Variants in VEGFB observed in about 807,000 individuals in gnomAD.
The protein encoded by VEGFB is VEGF-related factor.
In VEGFB, 24 loss-of-function variants were observed where a neutral mutation model predicts 22.5. That is an observed-to-expected ratio of 1.07 (90% CI 0.77 to 1.50). VEGFB has a LOEUF of 1.50. Ranked by LOEUF, VEGFB falls within the 40% of genes most tolerant of loss-of-function variation. The probability of loss-of-function intolerance (pLI) is 0.00; values close to 1 mark genes in which losing one functional copy is unlikely to be tolerated. For synonymous variants in VEGFB, 141 were observed against 117.4 expected, an observed-to-expected ratio of 1.20 and a Z score of -1.30; for missense variants, 327 against 287.8, an observed-to-expected ratio of 1.14 and a Z score of -0.99.
In VEGFB at chr11:64,237,305, C is replaced by T. The variant is rs964582570; in HGVS notation, c.410+83C>T. On this transcript the variant is annotated intron_variant, in intron 5 of 6. Coordinates refer to ENST00000309422, the MANE Select transcript of VEGFB (RefSeq NM_003377.5). Reference sequence around the variant, plus strand: ...GCTGTTGCTCCTCTTTCTCCTCCCACCCGTCCCCCACTTTCCCTTTTCCTC... The same window carrying T: ...GCTGTTGCTCCTCTTTCTCCTCCCATCCGTCCCCCACTTTCCCTTTTCCTC... 5 of 1,518,902 alleles carry T rather than the reference C, an allele frequency of 3.3e-6. No homozygotes were observed. In the African/African-American group the frequency reaches 4.1e-5, roughly 12 times the overall value. The allele number at this position is 1,518,902 out of a possible 1,614,324, so 94.1% of individuals were successfully genotyped here. A position where few individuals can be genotyped will look rare whatever the true frequency, so the allele number is the denominator to read the frequency against.
chr11:64,236,453 C>G (rs374871435), intron 4 of VEGFB, 126 bp downstream of exon 4: 4 of 864,144 alleles, frequency 4.6e-6, no homozygotes, highest in South Asian at 1.6e-5. Context: ...TGGTAGCTCA[C>G]GCCTGTAATC....
chr11:64,236,649 G>A lies in VEGFB; in HGVS notation c.374+322G>A, dbSNP rs564535882. Among the ~76,000 whole-genome samples the A allele has an allele frequency of 1.5e-4, 22 of 142,590 alleles. No individual in the cohort carries two copies. The South Asian group carries it at 2.0e-3, about 13-fold the overall frequency. The allele number at this position is 142,590 out of a possible 152,430, so 93.5% of individuals were successfully genotyped here. A position where few individuals can be genotyped will look rare whatever the true frequency, so the allele number is the denominator to read the frequency against. ...GGAGAATGGCATGAACCTGGGAGGC[G>A]TAGCTTGCAGTGAGCCAAGATCGTG... On this transcript the variant is annotated intron_variant, in intron 4 of 6. Transcript: ENST00000309422.
At chr11:64,237,340 A>C (rs977792216) in intron 5 of VEGFB, 80 bp from the exon 6 acceptor site, 2 of 1,519,816 alleles carry the variant, frequency 1.3e-6, no homozygotes, top group East Asian at 4.6e-5. Flanking sequence ...CTGCTCCCCA[A>C]GCCTGTGTTC....
In VEGFB at chr11:64,237,305, C is replaced by G. The variant is rs964582570; in HGVS notation, c.410+83C>G. 5 of 1,519,020 alleles carry G rather than the reference C, an allele frequency of 3.3e-6. No homozygotes were observed. In the East Asian group the frequency reaches 1.1e-4, roughly 35 times the overall value. The allele number at this position is 1,519,020 out of a possible 1,614,324, so 94.1% of individuals were successfully genotyped here. ...GCTGTTGCTCCTCTTTCTCCTCCCA[C>G]CCGTCCCCCACTTTCCCTTTTCCTC... is the stretch of plus-strand genomic sequence containing the variant. On this transcript the variant is annotated intron_variant, in intron 5 of 6. Coordinates refer to ENST00000309422, the MANE Select transcript of VEGFB (RefSeq NM_003377.5).
At chr11:64,235,363 G>A in intron 1 of VEGFB, 95 bp from the exon 2 acceptor site, 1 of 1,168,258 alleles carries the variant, frequency 8.6e-7, no homozygotes, top group Non-Finnish European at 1.3e-6. Context: ...GAGAGGTGGT[G>A]AAGCCTACTG....
chr11:64,238,894 AT>A lies in VEGFB; in HGVS notation c.*562del, dbSNP rs2030275579. ...CTTGTCTTGCTCCCTCATTGTGCAG[AT>A]GGAGGAAATGAGGACTAAGGCCCCA... On this transcript the variant is annotated 3_prime_UTR_variant, in exon 7 of 7. Coordinates refer to ENST00000309422, the MANE Select transcript of VEGFB (RefSeq NM_003377.5). 5.9e-6 allele frequency: 1 copy of A among 169,158 alleles called. No homozygotes were observed. The highest frequency in any genetic ancestry group is 1.3e-4 in the South Asian group (1 of 7,840). 10.5% of individuals were successfully genotyped at this position (169,158 alleles called of 1,614,324 possible).
chr11:64,237,669 G>A lies in VEGFB; in HGVS notation c.*22+14G>A. 6.6e-7 allele frequency: 1 copy of A among 1,507,674 alleles called. No homozygotes were observed. Among genetic ancestry groups the A allele is most frequent in the South Asian group, 1.2e-5 (1 of 83,592 alleles). The allele number at this position is 1,507,674 out of a possible 1,614,324, so 93.4% of individuals were successfully genotyped here. A position where few individuals can be genotyped will look rare whatever the true frequency, so the allele number is the denominator to read the frequency against. ...AGACACCTGCAGGTGAGGCGTCTGTGGGGTGGTGTTTGTTTGGGAAGGCAC... is the reference window on the plus strand; with the variant it reads ...AGACACCTGCAGGTGAGGCGTCTGTAGGGTGGTGTTTGTTTGGGAAGGCAC... On this transcript the variant is annotated intron_variant, in intron 6 of 6. Transcript: ENST00000309422.
At chr11:64,236,932 A>T (rs1387812921) in intron 4 of VEGFB, among the ~76,000 whole-genome samples, 1 of 147,064 alleles carries the variant, frequency 6.8e-6, no homozygotes, top group East Asian at 2.0e-4. Context: ...AAAATACAAA[A>T]ATTAGCCGCG....
chr11:64,237,388 C>CCCAGAGATGTCGCTT lies in VEGFB; in HGVS notation c.411-29_411-28insGAGATGTCGCTTCCA, dbSNP rs1466887097. On this transcript the variant is annotated intron_variant, in intron 5 of 6. Coordinates refer to ENST00000309422, the MANE Select transcript of VEGFB (RefSeq NM_003377.5). ...CCAGCTCTAGGGAAGACTCTTCCTT[C>CCCAGAGATGTCGCTT]CCACCCCAGACATGTCGCTTCTCCT... 3 of 1,558,574 alleles carry CCCAGAGATGTCGCTT rather than the reference C, an allele frequency of 1.9e-6. No individual in the cohort carries two copies. The African/African-American group carries it at 4.1e-5, about 21-fold the overall frequency.
Position 64,234,898 on chromosome 11 carries a change from G to C in VEGFB, c.60+5G>C. ...CTGCAGCTGGCCCCCGCCCAGGTAC[G>C]TGCGGCCCGACAGCGCGCCCGCCCG... On this transcript the variant is annotated splice_donor_5th_base_variant and intron_variant, in intron 1 of 6. Coordinates refer to ENST00000309422, the MANE Select transcript of VEGFB (RefSeq NM_003377.5). The surrounding 1 kb of genome is among the most constrained non-coding windows in gnomAD (Gnocchi z 5.3). 3 of 1,289,218 alleles carry C rather than the reference G, an allele frequency of 2.3e-6. No homozygotes were observed. The highest frequency in any genetic ancestry group is 2.9e-6 in the Non-Finnish European group (3 of 1,017,390). The allele number at this position is 1,289,218 out of a possible 1,614,324, so 79.9% of individuals were successfully genotyped here.
At chr11:64,237,099 GAGAGAGAGAGAGAGA>G in intron 4 of VEGFB, 73 bp from the exon 5 acceptor site, 1 of 363,594 alleles carries the variant, frequency 2.8e-6, no homozygotes, top group South Asian at 4.5e-5. Flanking sequence ...GAGAGAGAGA[GAGAGAGAGAGAGAGA>G]GAGAGAGAGT....
chr11:64,238,511 G>A lies in VEGFB; in HGVS notation c.*178G>A. 8.8e-7 allele frequency: 1 copy of A among 1,138,634 alleles called. No homozygotes were observed. Among genetic ancestry groups the A allele is most frequent in the East Asian group, 2.6e-5 (1 of 39,086 alleles). The allele number at this position is 1,138,634 out of a possible 1,614,324, so 70.5% of individuals were successfully genotyped here. A position where few individuals can be genotyped will look rare whatever the true frequency, so the allele number is the denominator to read the frequency against. ...CAGGCAGAAGCTGCTCTAGGACCTG[G>A]GCCTCTCAGAGGGCTCTTCTGCCAT... On this transcript the variant is annotated 3_prime_UTR_variant, in exon 7 of 7. Transcript: ENST00000309422.
chr11:64,236,542 T>C (rs569581326), intron 4 of VEGFB, among the ~76,000 whole-genome samples: 1 of 150,896 alleles, frequency 6.6e-6, no homozygotes, highest in East Asian at 2.0e-4. Flanking sequence ...GGTAAAAACC[T>C]GTCTCTACTA....
chr11:64,235,697 G>A, intron 2 of VEGFB, 116 bp from the exon 3 acceptor site: 1 of 1,343,090 alleles, frequency 7.4e-7, no homozygotes. Context: ...GGTTGTGAGG[G>A]CAGAGTGGGG....
At chr11:64,236,871 G>T (rs1214335508) in intron 4 of VEGFB, among the ~76,000 whole-genome samples, 1 of 149,324 alleles carries the variant, frequency 6.7e-6, no homozygotes, top group Non-Finnish European at 1.5e-5. Context: ...CTGAGGTAAG[G>T]CGTTTGAGAC....
Position 64,237,223 on chromosome 11 carries a change from G to GTGAGTCTTTTGGACTCCAGC in VEGFB, c.410+7_410+26dup. 6.2e-7 allele frequency: 1 copy of GTGAGTCTTTTGGACTCCAGC among 1,608,770 alleles called. No individual in the cohort carries two copies. The highest frequency in any genetic ancestry group is 8.5e-7 in the Non-Finnish European group (1 of 1,176,252). ...AGGACAGTGCTGTGAAGCCAGACAGGTGAGTCTTTTGGACTCCAGCTGAGT... is the reference window on the plus strand; with the variant it reads ...AGGACAGTGCTGTGAAGCCAGACAGGTGAGTCTTTTGGACTCCAGCTGAGTCTTTTGGACTCCAGCTGAGT... On this transcript the variant is annotated splice_donor_variant, in intron 5 of 6. Transcript: ENST00000309422. LOFTEE classifies it high-confidence loss of function.
At position 64,235,635 on chromosome 11, in the gene VEGFB, A is replaced by G. The variant is rs561477021; in HGVS notation, c.103+135A>G. The G allele has an allele frequency of 2.2e-4, 280 of 1,273,330 alleles. 1 individual carries two copies. In the Middle Eastern group the frequency reaches 4.7e-3, roughly 21 times the overall value. The allele number at this position is 1,273,330 out of a possible 1,614,324, so 78.9% of individuals were successfully genotyped here. ...ATTCTACCCATTTCACAGAGGAGGA[A>G]ATTGAGGCAGTGGGGTTACTGGGAT... is the stretch of plus-strand genomic sequence containing the variant. On this transcript the variant is annotated intron_variant, in intron 2 of 6. Transcript: ENST00000309422.
In VEGFB at chr11:64,237,476, C is replaced by G. The variant is rs138980082; in HGVS notation, c.467C>G (p.Ala156Gly). Residue 156 changes from alanine (A) to glycine (G), a missense_variant, in exon 6 of 7, where the codon GCC (alanine) becomes GGC (glycine). Transcript: ENST00000309422. Reference sequence around the variant, plus strand: ...CGTTCTGTTCCGGGCTGGGACTCTGCCCCCGGAGCACCCTCCCCAGCTGAC... The same window carrying G: ...CGTTCTGTTCCGGGCTGGGACTCTGGCCCCGGAGCACCCTCCCCAGCTGAC... The part of the protein sequence containing the change: ...QPRSVPGWDS[A>G]PGAPSPADIT... 5 of 1,611,976 alleles carry G rather than the reference C, an allele frequency of 3.1e-6. No individual in the cohort carries two copies. In the African/African-American group the frequency reaches 6.7e-5, roughly 22 times the overall value.
In VEGFB at chr11:64,237,161, C is replaced by T. The variant is rs764340240; in HGVS notation, c.375-26C>T. The T allele has an allele frequency of 4.5e-6, 7 of 1,570,640 alleles. No individual in the cohort carries two copies. In the East Asian group the frequency reaches 1.4e-4, roughly 31 times the overall value. On this transcript the variant is annotated intron_variant, in intron 4 of 6. Transcript: ENST00000309422. ...ATTTCCTGATCTTCCTCTTGTTTGT[C>T]TGTGTCTGTCTATCTTACTTTTCAG...
Sources: allele counts gnomAD v4.1 joint callset (sites outside exome capture counted in the v4.1 genomes callset), GRCh38; gene constraint gnomAD v4.1.1; non-coding constraint Gnocchi (gnomAD v3.1); transcripts MANE v1.5; gene names NCBI Gene and HGNC (gene_info 2026-07-23, HGNC 2026-07-21).